SEC14L3: variants seen among roughly 807,000 people sequenced by gnomAD.
SEC14L3 encodes SEC14-like protein 3.
Under a neutral mutation model 57.4 loss-of-function variants are expected in SEC14L3, and 56 were observed. The observed-to-expected ratio is 0.97, with a 90% confidence interval of 0.79 to 1.22. SEC14L3 has a LOEUF of 1.22. SEC14L3 is among the 50% of genes most tolerant of loss of function. The probability of loss-of-function intolerance (pLI) is 0.00; values close to 1 mark genes in which losing one functional copy is unlikely to be tolerated. For missense variants in SEC14L3, 485 were observed against 511.7 expected, an observed-to-expected ratio of 0.95 and a Z score of 0.50; for synonymous variants, 173 against 194.4, an observed-to-expected ratio of 0.89 and a Z score of 0.92.
Position 30,466,887 on chromosome 22 carries a change from T to A in SEC14L3, c.519+95A>T, listed in dbSNP as rs941008787. 1.4e-5 allele frequency: 17 copies of A among 1,228,494 alleles called. No homozygotes were observed. In the African/African-American group the frequency reaches 2.1e-4, roughly 15 times the overall value. The allele number at this position is 1,228,494 out of a possible 1,614,324, so 76.1% of individuals were successfully genotyped here. A position where few individuals can be genotyped will look rare whatever the true frequency, so the allele number is the denominator to read the frequency against. On this transcript the variant is annotated intron_variant, in intron 6 of 11. Coordinates refer to ENST00000215812, the MANE Select transcript of SEC14L3 (RefSeq NM_174975.5). ...ACAATGAGGGAGCCCAGGACATTTT[T>A]AAACTAAATCTTGGCTCTCAGTAAG...
chr22:30,455,076 T>A (rs868354533), downstream of SEC14L3, among the ~76,000 whole-genome samples: 24 of 63,774 alleles, frequency 3.8e-4, no homozygotes, highest in South Asian at 4.3e-3. Context: ...TAATATATAA[T>A]ATATTAAATA....
intron 12 of SEC14L3, among the ~76,000 whole-genome samples, chr22:30,450,334 C>T (rs1934957143): frequency 1.3e-5 from 2 of 152,032 alleles, no homozygotes; most frequent in Admixed American, 6.6e-5. Flanking sequence ...GAGACGGAAT[C>T]TCTCTCTGTC....
chr22:30,460,122 T>C lies in SEC14L3; in HGVS notation c.1102A>G (p.Thr368Ala), dbSNP rs770565320. The C allele has an allele frequency of 6.8e-6, 11 of 1,613,686 alleles. No individual in the cohort carries two copies. The highest frequency in any genetic ancestry group is 2.7e-5 in the African/African-American group (2 of 74,846). The change falls in exon 12 of 12, where the codon ACC (threonine) becomes GCC (alanine). Residue 368 changes from threonine to alanine, a missense_variant. By Grantham distance (58) the Thr-to-Ala change is moderately conservative (BLOSUM62 0). Coordinates refer to ENST00000215812, the MANE Select transcript of SEC14L3 (RefSeq NM_174975.5). ...TTCTTGGCGTGGACAAAGCTATAGG[T>C]GTTGTCGAAGCGTAGGACATCTGGG... ...AGVYVLRFDNTYSFVHAKKVS... is the reference protein window; with the variant it reads ...AGVYVLRFDNAYSFVHAKKVS...
At chr22:30,455,396 G>A (rs1278381843), downstream of SEC14L3, among the ~76,000 whole-genome samples, 10 of 150,138 alleles carry the variant, frequency 6.7e-5, no homozygotes, top group African/African-American at 2.5e-4. Context: ...TTACAGGCAT[G>A]CACCACCACG....
intron 1 of SEC14L3, 48 bp downstream of exon 1, chr22:30,471,857 A>G: frequency 6.2e-7 from 1 of 1,612,794 alleles, no homozygotes; most frequent in Non-Finnish European, 8.5e-7. Flanking sequence ...TCCACCCCCC[A>G]GCCCCTTTCC....
chr22:30,461,215 G>T, intron 11 of SEC14L3, 95 bp downstream of exon 11: 1 of 1,430,738 alleles, frequency 7.0e-7, no homozygotes. Context: ...CCCTGAATGG[G>T]GGAGGTGTGT....
At chr22:30,448,566 TAA>T (rs10580243) in exon 13 of SEC14L3, 35,713 of 118,102 alleles carry the variant, frequency 0.3, 4,875 homozygotes, top group East Asian at 0.35. Context: ...TACATTCTCC[TAA>T]AAAAAAAAAA....
chr22:30,460,177 G>A (rs1219006228), intron 11 of SEC14L3, 35 bp from the exon 12 acceptor site: 1 of 1,605,486 alleles, frequency 6.2e-7, no homozygotes, highest in African/African-American at 1.3e-5. Flanking sequence ...CATTGGGCTT[G>A]GCTTTACACA....
downstream of SEC14L3, among the ~76,000 whole-genome samples, chr22:30,455,166 A>ATATATTATATTTAATATTAAAT (rs1569225740): frequency 1.3e-3 from 135 of 106,260 alleles, 2 homozygotes; most frequent in African/African-American, 5.6e-3. Context: ...TTTAATATTT[A>ATATATTATATTTAATATTAAAT]ATATATTATA....
intron 12 of SEC14L3, among the ~76,000 whole-genome samples, chr22:30,452,252 T>C (rs1351993778): frequency 7.0e-6 from 1 of 143,640 alleles, no homozygotes; most frequent in East Asian, 2.0e-4. Context: ...CTTTCTTTTT[T>C]TTTTTTTTTT....
chr22:30,470,170 G>C (rs746622649), intron 3 of SEC14L3, 42 bp downstream of exon 3: 3 of 1,613,250 alleles, frequency 1.9e-6, no homozygotes, highest in Non-Finnish European at 2.5e-6. Flanking sequence ...GATTGCCCCT[G>C]ACAAATCCCC....
At chr22:30,452,919 C>T (rs1180542982) in intron 12 of SEC14L3, among the ~76,000 whole-genome samples, 1 of 151,942 alleles carries the variant, frequency 6.6e-6, no homozygotes, top group Admixed American at 6.6e-5. Context: ...GTTTTCACCA[C>T]GTTGCTCAGG....
chr22:30,448,717 AAAAG>A (rs997357414), exon 13 of SEC14L3: 6 of 173,588 alleles, frequency 3.5e-5, no homozygotes, highest in Admixed American at 1.7e-4. Flanking sequence ...CCAAAAAAAA[AAAAG>A]AAAGAAAGAA....
At chr22:30,448,799 G>T (rs1016003242) in exon 13 of SEC14L3, 1 of 323,936 alleles carries the variant, frequency 3.1e-6, no homozygotes, top group Non-Finnish European at 5.7e-6. Flanking sequence ...GGCTGAGAGG[G>T]GAGAATCACT....
At chr22:30,453,411 TTTCA>T (rs1269250923) in intron 12 of SEC14L3, among the ~76,000 whole-genome samples, 2 of 152,158 alleles carry the variant, frequency 1.3e-5, no homozygotes, top group Admixed American at 6.6e-5. Context: ...CACAGCCTCC[TTTCA>T]TTTATTTATT....
Position 30,459,413 on chromosome 22 carries a change from C to G in SEC14L3, c.*608G>C. The G allele has an allele frequency of 2.0e-6, 2 of 985,322 alleles. No individual in the cohort carries two copies. The highest frequency in any genetic ancestry group is 2.4e-6 in the Non-Finnish European group (2 of 829,944). The allele number at this position is 985,322 out of a possible 1,614,324, so 61.0% of individuals were successfully genotyped here. A position where few individuals can be genotyped will look rare whatever the true frequency, so the allele number is the denominator to read the frequency against. ...GGCATGTGGCCTTTGTGGCTGGGGC[C>G]CTCAAAAGACAGCCACTGCCAGAAA... is the stretch of plus-strand genomic sequence containing the variant. On this transcript the variant is annotated 3_prime_UTR_variant, in exon 12 of 12. Coordinates refer to ENST00000215812, the MANE Select transcript of SEC14L3 (RefSeq NM_174975.5).
At chr22:30,449,412 G>A (rs1934937023) in intron 12 of SEC14L3, among the ~76,000 whole-genome samples, 1 of 152,064 alleles carries the variant, frequency 6.6e-6, no homozygotes, top group South Asian at 2.1e-4. Flanking sequence ...ACTTAATCAA[G>A]TACTTTTTCA....
At chr22:30,462,365 G>T (rs1192315457) in intron 8 of SEC14L3, 173 bp from the exon 9 acceptor site, 1 of 566,780 alleles carries the variant, frequency 1.8e-6, no homozygotes, top group East Asian at 1.4e-4. Context: ...TCTCAGCATT[G>T]TGTTGCTGTG....
chr22:30,461,452 G>A lies in SEC14L3; in HGVS notation c.939C>T (p.Asp313=), dbSNP rs1187852313. Residue 313 remains aspartate (D), a synonymous_variant, in exon 11 of 12, where the codon GAC becomes GAT. Coordinates refer to ENST00000215812, the MANE Select transcript of SEC14L3 (RefSeq NM_174975.5). ...TCTTCAGGAAAACTCCGAAGCCGAT[G>A]TCCGCACCATCAGATGAGAACTGCC... ...LRWQFSSDGA[D]IGFGVFLKTK... 6.2e-7 allele frequency: 1 copy of A among 1,613,920 alleles called. No individual in the cohort carries two copies. Among genetic ancestry groups the A allele is most frequent in the Non-Finnish European group, 8.5e-7 (1 of 1,179,880 alleles).
Sources: allele counts gnomAD v4.1 joint callset (sites outside exome capture counted in the v4.1 genomes callset), GRCh38; gene constraint gnomAD v4.1.1; transcripts MANE v1.5; gene names NCBI Gene and HGNC (gene_info 2026-07-23, HGNC 2026-07-21).